The following NFIB variants were observed in gnomAD, a reference collection of about 807,000 sequenced individuals.
NFIB encodes nuclear factor 1 B-type.
In NFIB, 11 loss-of-function variants were observed where a neutral mutation model predicts 61.5. That is an observed-to-expected ratio of 0.18 (90% CI 0.11 to 0.30). The LOEUF (loss-of-function observed/expected upper bound fraction) is 0.30. Ranked by LOEUF, NFIB falls within the 10% of genes least tolerant of loss-of-function variation. The pLI is 1.00. For synonymous variants in NFIB, 260 were observed against 216.5 expected (o/e 1.20, Z -1.76); for missense variants, 471 against 608.9 (o/e 0.77, Z 2.38).
At chr9:14,329,793 G>C (rs369099017) in intron 1 of NFIB, among the ~76,000 whole-genome samples, 3 of 151,462 alleles carry the variant, frequency 2.0e-5, no homozygotes. Flanking sequence ...GATTATAGGC[G>C]TGAGCCACCA....
the NFIB span, among the ~76,000 whole-genome samples, chr9:14,494,924 A>C: frequency 6.6e-6 from 1 of 152,184 alleles, no homozygotes; most frequent in African/African-American, 2.4e-5. Context: ...TCACAACTGC[A>C]ATACTCTTGT....
the NFIB span, among the ~76,000 whole-genome samples, chr9:14,463,086 A>G: frequency 6.6e-6 from 1 of 152,054 alleles, no homozygotes; most frequent in Non-Finnish European, 1.5e-5. Context: ...CAACTATAAC[A>G]TTTAATAAAT....
At chr9:14,369,480 G>A (rs547324790) in intron 1 of NFIB, among the ~76,000 whole-genome samples, 2 of 152,140 alleles carry the variant, frequency 1.3e-5, no homozygotes, top group East Asian at 3.9e-4. Flanking sequence ...TGTTGTTGAT[G>A]CCTTCTGGGT....
chr9:14,346,694 A>G (rs1011781404), intron 1 of NFIB, among the ~76,000 whole-genome samples: 3 of 152,192 alleles, frequency 2.0e-5, no homozygotes, highest in Non-Finnish European at 2.9e-5. Flanking sequence ...TAGACAAAAT[A>G]AAAACATAAT....
chr9:14,187,937 T>C (rs2047557850), intron 2 of NFIB, among the ~76,000 whole-genome samples: 1 of 152,148 alleles, frequency 6.6e-6, no homozygotes, highest in African/African-American at 2.4e-5. Context: ...CATTAAGTAG[T>C]ACCAACCCAC....
chr9:14,390,441 C>T (rs997321537), intron 1 of NFIB, among the ~76,000 whole-genome samples: 13 of 152,080 alleles, frequency 8.5e-5, no homozygotes, highest in African/African-American at 3.1e-4. Context: ...ATTGATATGT[C>T]AAAGGAATAT....
At chr9:14,233,649 C>CA (rs1563928842) in intron 2 of NFIB, among the ~76,000 whole-genome samples, 1 of 152,100 alleles carries the variant, frequency 6.6e-6, no homozygotes, top group African/African-American at 2.4e-5. Context: ...AGGCTGGTCT[C>CA]AAACTCCTGA....
At chr9:14,462,712 G>A in the NFIB span, among the ~76,000 whole-genome samples, 3 of 152,192 alleles carry the variant, frequency 2.0e-5, no homozygotes, top group Admixed American at 6.5e-5. Context: ...TCAATTGGGG[G>A]AATTTTTCAT....
intron 2 of NFIB, among the ~76,000 whole-genome samples, chr9:14,191,936 A>G (rs2047993569): frequency 1.3e-5 from 2 of 152,198 alleles, no homozygotes; most frequent in African/African-American, 4.8e-5. Flanking sequence ...TCAACCTCCA[A>G]CAAACACATA....
intron 2 of NFIB, among the ~76,000 whole-genome samples, chr9:14,196,761 C>T (rs2131596325): frequency 6.6e-6 from 1 of 151,162 alleles, no homozygotes; most frequent in South Asian, 2.1e-4. Context: ...CAAGTAAAAC[C>T]TTAAAAAGAA....
the NFIB span, among the ~76,000 whole-genome samples, chr9:14,456,415 C>G: frequency 4.5e-3 from 683 of 152,128 alleles, 7 homozygotes; most frequent in African/African-American, 0.016. Context: ...AAGGACAAAC[C>G]TGCAAAAATG....
At chr9:14,346,964 C>A (rs2061031144) in intron 1 of NFIB, among the ~76,000 whole-genome samples, 1 of 151,856 alleles carries the variant, frequency 6.6e-6, no homozygotes, top group African/African-American at 2.4e-5. Flanking sequence ...AGCTCCCGCA[C>A]GAATTAGCCT....
At chr9:14,531,758 A>G in the NFIB span, among the ~76,000 whole-genome samples, 2 of 152,074 alleles carry the variant, frequency 1.3e-5, no homozygotes, top group Non-Finnish European at 2.9e-5. Flanking sequence ...CCCGGCCACA[A>G]TAGCAGGGAA....
At chr9:14,382,329 G>C (rs887007093) in intron 1 of NFIB, among the ~76,000 whole-genome samples, 1 of 150,690 alleles carries the variant, frequency 6.6e-6, no homozygotes, top group Non-Finnish European at 1.5e-5. Flanking sequence ...GACGGCACCA[G>C]GGAGGCAGAA....
chr9:14,103,593 A>T (rs1329143308), intron 10 of NFIB, among the ~76,000 whole-genome samples: 2 of 152,198 alleles, frequency 1.3e-5, no homozygotes, highest in Non-Finnish European at 2.9e-5. Context: ...TAGGCTATTA[A>T]GAATCTTTAC....
chr9:14,205,231 GGGAAAAAAGA>G (rs1563899028), intron 2 of NFIB, among the ~76,000 whole-genome samples: 4 of 28,538 alleles, frequency 1.4e-4, no homozygotes, highest in East Asian at 6.9e-4. Context: ...GGAGGGGAGG[GGGAAAAAAGA>G]AGGGAGGAAG....
intron 1 of NFIB, among the ~76,000 whole-genome samples, chr9:14,397,754 A>G (rs368131246): frequency 4.3e-4 from 65 of 152,370 alleles, no homozygotes; most frequent in African/African-American, 1.4e-3. Flanking sequence ...CATAGTAGCT[A>G]TACAAAGACA....
chr9:14,419,582 G>T, the NFIB span, among the ~76,000 whole-genome samples: 4 of 152,172 alleles, frequency 2.6e-5, no homozygotes, highest in African/African-American at 7.2e-5. Context: ...GCCCTGTTAC[G>T]TTACGTAGCC....
the NFIB span, among the ~76,000 whole-genome samples, chr9:14,459,640 G>C: frequency 1.3e-5 from 2 of 151,962 alleles, no homozygotes; most frequent in African/African-American, 4.8e-5. Context: ...CTAATATCCA[G>C]AATCTACAAT....
Sources: allele counts gnomAD v4.1 joint callset (sites outside exome capture counted in the v4.1 genomes callset), GRCh38; gene constraint gnomAD v4.1.1; transcripts MANE v1.5; gene names NCBI Gene and HGNC (gene_info 2026-07-23, HGNC 2026-07-21).